HSPA12A: variants seen among roughly 807,000 people sequenced by gnomAD.
HSPA12A encodes heat shock protein family A (Hsp70) member 12A, also known as heat shock 70 kDa protein 12A.
HSPA12A carries 28 observed loss-of-function variants against 69.2 expected under a neutral mutation model. The observed-to-expected ratio is 0.40, with a 90% confidence interval of 0.30 to 0.55. The LOEUF is 0.55. HSPA12A is among the 20% of genes least tolerant of loss of function. The pLI is 0.38. For missense variants in HSPA12A, 686 were observed against 900.7 expected, an observed-to-expected ratio of 0.76 and a Z score of 3.05; for synonymous variants, 345 against 370.5, an observed-to-expected ratio of 0.93 and a Z score of 0.79.
At chr10:116,812,971 T>C (rs1381696713) in intron 2 of HSPA12A, among the ~76,000 whole-genome samples, 5 of 152,008 alleles carry the variant, frequency 3.3e-5, no homozygotes, top group African/African-American at 1.2e-4. Flanking sequence ...TGAAACTGTG[T>C]AGGGAGGGAG....
chr10:116,779,813 C>G (rs577260636), intron 2 of HSPA12A, among the ~76,000 whole-genome samples: 1 of 152,174 alleles, frequency 6.6e-6, no homozygotes, highest in East Asian at 1.9e-4. Flanking sequence ...TAAAGAGGAG[C>G]TAGCAGGGGG....
At chr10:116,688,714 G>A (rs1849649082) in intron 6 of HSPA12A, among the ~76,000 whole-genome samples, 1 of 152,226 alleles carries the variant, frequency 6.6e-6, no homozygotes, top group Non-Finnish European at 1.5e-5. Flanking sequence ...AGAAAGGGAG[G>A]CAGAAGAAGC....
chr10:116,675,554 G>T lies in HSPA12A; in HGVS notation c.1391-136C>A. ...AGGGCAGGCTTACTCTGAGCTCCTT[G>T]AACAGAATCTTTGCAGAACTGGTCT... On this transcript the variant is annotated intron_variant, in intron 11 of 11. Coordinates refer to ENST00000369209, the MANE Select transcript of HSPA12A (RefSeq NM_025015.3). The surrounding 1 kb of genome is among the most constrained non-coding windows in gnomAD (Gnocchi z 5.2). The T allele has an allele frequency of 1.2e-6, 1 of 861,116 alleles. No individual in the cohort carries two copies. Among genetic ancestry groups the T allele is most frequent in the Non-Finnish European group, 1.8e-6 (1 of 565,348 alleles). The allele number at this position is 861,116 out of a possible 1,614,324, so 53.3% of individuals were successfully genotyped here.
intron 1 of HSPA12A, among the ~76,000 whole-genome samples, chr10:116,734,041 G>A (rs1478039505): frequency 2.0e-5 from 3 of 152,054 alleles, no homozygotes; most frequent in East Asian, 1.9e-4. Context: ...CCACACCTGC[G>A]GAACCTTGCT....
intron 10 of HSPA12A, among the ~76,000 whole-genome samples, chr10:116,678,241 C>T (rs1375129851): frequency 2.0e-5 from 3 of 148,520 alleles, no homozygotes; most frequent in Admixed American, 6.9e-5. Flanking sequence ...GCAGACATTT[C>T]GTGTCCCCTG....
intron 2 of HSPA12A, among the ~76,000 whole-genome samples, chr10:116,776,260 G>GC (rs1220910945): frequency 2.0e-5 from 3 of 152,166 alleles, no homozygotes; most frequent in Non-Finnish European, 2.9e-5. Flanking sequence ...CCGCCTGGAC[G>GC]CCCCCCTCTG....
intron 2 of HSPA12A, among the ~76,000 whole-genome samples, chr10:116,801,592 T>G (rs1289228263): frequency 6.6e-6 from 1 of 151,990 alleles, no homozygotes; most frequent in Admixed American, 6.5e-5. Context: ...ACGAGCGCAA[T>G]AGCTCAGAAG....
intron 2 of HSPA12A, among the ~76,000 whole-genome samples, chr10:116,785,771 A>T (rs1037756025): frequency 1.3e-5 from 2 of 152,036 alleles, no homozygotes; most frequent in Non-Finnish European, 2.9e-5. Flanking sequence ...GGTCTCAGCC[A>T]TCCACCGGTT....
At chr10:116,749,834 G>C (rs1851733893) in intron 2 of HSPA12A, 1 of 152,772 alleles carries the variant, frequency 6.5e-6, no homozygotes, top group Non-Finnish European at 1.5e-5. Flanking sequence ...GTTTCTTTCA[G>C]ATCTTGTGCT....
rs782363925 is a variant in HSPA12A at position 116,705,237 on chromosome 10, G to T, written c.168C>A (p.Leu56=). The stretch of plus-strand genomic sequence containing the variant: ...TCCCAAAGTCGACGGCCACCACCAC[G>T]AGAAATGACTGCTGTTCTGAGACGT... ...DSNVSEQQSF[L]VVVAVDFGTT... The change falls in exon 3 of 12, where the codon CTC becomes CTA. Residue 56 remains leucine (L), a synonymous_variant. Transcript: ENST00000369209. The T allele has an allele frequency of 6.2e-7, 1 of 1,614,170 alleles. No homozygotes were observed.
chr10:116,760,969 C>G (rs1554889208), intron 2 of HSPA12A, among the ~76,000 whole-genome samples: 1 of 151,966 alleles, frequency 6.6e-6, no homozygotes, highest in African/African-American at 2.4e-5. Flanking sequence ...AAGCCAGAGG[C>G]TAGCTAGATG....
chr10:116,700,852 G>A, intron 4 of HSPA12A, 91 bp downstream of exon 4: 1 of 1,286,564 alleles, frequency 7.8e-7, no homozygotes. Context: ...GGCCCCCTGG[G>A]TTGGGAGGAC....
At chr10:116,818,717 G>GT (rs1435620018) in intron 2 of HSPA12A, among the ~76,000 whole-genome samples, 2 of 152,208 alleles carry the variant, frequency 1.3e-5, no homozygotes, top group East Asian at 3.8e-4. Context: ...AGGGAAAAAT[G>GT]TAACTGTCAG....
chr10:116,732,834 T>C (rs1340736224), intron 1 of HSPA12A, among the ~76,000 whole-genome samples: 7 of 152,156 alleles, frequency 4.6e-5, no homozygotes, highest in Non-Finnish European at 8.8e-5. Context: ...GAGGATTCTG[T>C]AGCCATTGCG....
In HSPA12A at chr10:116,686,217, C is replaced by T. The variant is rs1280810927; in HGVS notation, c.664-2255G>A. Among the ~76,000 whole-genome samples, 1 of 152,142 alleles carries T rather than the reference C, an allele frequency of 6.6e-6. No homozygotes were observed. Among genetic ancestry groups the T allele is most frequent in the African/African-American group, 2.4e-5 (1 of 41,444 alleles). ...GATGTGGCTCTCACACGTATGGTGC[C>T]CTCGGGAAAGGTGAAACCTCTGAGC... On this transcript the variant is annotated intron_variant, in intron 6 of 11. Transcript: ENST00000369209. The surrounding 1 kb of genome is among the most constrained non-coding windows in gnomAD (Gnocchi z 4.1).
intron 2 of HSPA12A, among the ~76,000 whole-genome samples, chr10:116,774,773 C>T (rs1844295874): frequency 6.6e-6 from 1 of 152,186 alleles, no homozygotes; most frequent in Non-Finnish European, 1.5e-5. Context: ...CATGCCTGCC[C>T]ACGTGGCCCT....
intron 1 of HSPA12A, among the ~76,000 whole-genome samples, chr10:116,844,344 G>C (rs1453264357): frequency 6.6e-6 from 1 of 152,142 alleles, no homozygotes; most frequent in Non-Finnish European, 1.5e-5. Flanking sequence ...TAGTGGTAAT[G>C]ACTACTGCCA....
chr10:116,813,148 C>T (rs564350440), intron 2 of HSPA12A, among the ~76,000 whole-genome samples: 35 of 151,684 alleles, frequency 2.3e-4, no homozygotes, highest in Admixed American at 2.1e-3. Context: ...AACCTTTGGA[C>T]GGGGTAAGCC....
chr10:116,758,425 A>T (rs1382841732), intron 2 of HSPA12A, among the ~76,000 whole-genome samples: 3 of 152,140 alleles, frequency 2.0e-5, no homozygotes, highest in African/African-American at 7.2e-5. Flanking sequence ...CCAGAAAGCA[A>T]ATGAGTTGCC....
Sources: gnomAD v4.1 joint callset for allele counts (sites outside exome capture counted in the v4.1 genomes callset) on GRCh38, gnomAD v4.1.1 for gene constraint, Gnocchi (gnomAD v3.1) non-coding constraint, MANE v1.5 for transcripts, NCBI Gene and HGNC (gene_info 2026-07-23, HGNC 2026-07-21) for gene names.